RREB1: variants seen among roughly 807,000 people sequenced by gnomAD.
RREB1 encodes the protein ras responsive element binding protein 1.
Under a neutral mutation model 117.8 loss-of-function variants are expected in RREB1, and 27 were observed. That is an observed-to-expected ratio of 0.23 (90% CI 0.17 to 0.32). RREB1 has a LOEUF of 0.32. Ranked by LOEUF, RREB1 falls within the 10% of genes least tolerant of loss-of-function variation. The pLI, the probability that RREB1 is intolerant of heterozygous loss-of-function variation, is 1.00. For missense variants in RREB1, 2,577 were observed against 2,378.2 expected (o/e 1.08, Z -1.74); for synonymous variants, 1,298 against 1,026.7 (o/e 1.26, Z -5.05).
At chr6:7,179,709 A>G (rs1764691475) in intron 2 of RREB1, among the ~76,000 whole-genome samples, 1 of 152,204 alleles carries the variant, frequency 6.6e-6, no homozygotes, top group Non-Finnish European at 1.5e-5. Flanking sequence ...TCATGTATGC[A>G]CTTTGTGTCT....
At position 7,230,391 on chromosome 6, in the gene RREB1, C is replaced by G; in HGVS notation, c.2292C>G (p.His764Gln). The G allele has an allele frequency of 1.3e-6, 2 of 1,591,846 alleles. No homozygotes were observed. The highest frequency in any genetic ancestry group is 1.7e-6 in the Non-Finnish European group (2 of 1,174,062). The change falls in exon 10 of 13, where the codon CAC becomes CAG. Residue 764 changes from histidine to glutamine, a missense_variant. Transcript: ENST00000379938. Reference protein sequence around the residue: ...VCRLCGEDLKHYRALRIHMRT... With the variant: ...VCRLCGEDLKQYRALRIHMRT... ...GGCTGTGCGGCGAGGACCTCAAGCA[C>G]TATCGTGCCCTGCGCATCCACATGC...
At chr6:7,206,919 G>A (rs765931528) in intron 6 of RREB1, among the ~76,000 whole-genome samples, 2 of 152,214 alleles carry the variant, frequency 1.3e-5, no homozygotes, top group Non-Finnish European at 2.9e-5. Context: ...GAAGAGGGCA[G>A]GGTGCTCCAC....
At chr6:7,187,220 A>G (rs1765128732) in intron 4 of RREB1, among the ~76,000 whole-genome samples, 1 of 152,188 alleles carries the variant, frequency 6.6e-6, no homozygotes. Flanking sequence ...GCATCACAGC[A>G]TGGTATGGTA....
Position 7,249,799 on chromosome 6 carries a change from A to ATATTATTATTAT in RREB1, c.*846_*857dup, listed in dbSNP as rs60940908. The ATATTATTATTAT allele has an allele frequency of 3.1e-4, 46 of 150,354 alleles. 1 individual carries two copies. The highest frequency in any genetic ancestry group is 1.1e-3 in the African/African-American group (44 of 40,872). 9.3% of individuals were successfully genotyped at this position (150,354 alleles called of 1,614,324 possible). A position where few individuals can be genotyped will look rare whatever the true frequency, so the allele number is the denominator to read the frequency against. On this transcript the variant is annotated 3_prime_UTR_variant, in exon 13 of 13. Transcript: ENST00000379938. ...TTCCCTTTCAGTATATGTATTATTA[A>ATATTATTATTAT]TATTATTATTATTATTATTATTATT...
Position 7,175,253 on chromosome 6 carries a change from AC to A in RREB1, c.-284-1401del, listed in dbSNP as rs1311452239. On this transcript the variant is annotated intron_variant, in intron 1 of 12. Transcript: ENST00000379938. ...TTTACAAGAGGGCAGGTCATGTGTC[AC>A]GCAAAACAGGGATTCTTACCCTGCT... 1.1e-4 allele frequency among the ~76,000 whole-genome samples: 17 copies of A among 152,004 alleles called. No individual in the cohort carries two copies. In the East Asian group the frequency reaches 2.9e-3, roughly 26 times the overall value.
intron 8 of RREB1, chr6:7,219,013 C>CG (rs1415738371): frequency 7.1e-6 from 1 of 141,154 alleles, no homozygotes; most frequent in Non-Finnish European, 1.5e-5. Flanking sequence ...TTTGGGAGGC[C>CG]GAAGCAAGGG....
At chr6:7,201,066 ATTAGG>A (rs1371730849) in intron 6 of RREB1, among the ~76,000 whole-genome samples, 1 of 152,170 alleles carries the variant, frequency 6.6e-6, no homozygotes, top group Admixed American at 6.5e-5. Context: ...AGAGTGAGAA[ATTAGG>A]TTAGGGAAGG....
intron 1 of RREB1, among the ~76,000 whole-genome samples, chr6:7,117,290 T>C (rs75164923): frequency 1.6e-4 from 24 of 147,566 alleles, no homozygotes; most frequent in Non-Finnish European, 2.5e-4. Context: ...AATTTTCTCA[T>C]AAAAGAGGTA....
At chr6:7,134,270 CG>C (rs1338426747) in intron 1 of RREB1, among the ~76,000 whole-genome samples, 1 of 152,186 alleles carries the variant, frequency 6.6e-6, no homozygotes, top group African/African-American at 2.4e-5. Flanking sequence ...ACCCCAAACC[CG>C]TGAGGGTTAC....
chr6:7,232,888 G>T (rs1261743858), intron 10 of RREB1, among the ~76,000 whole-genome samples: 1 of 151,264 alleles, frequency 6.6e-6, no homozygotes, highest in African/African-American at 2.4e-5. Context: ...CCCACACCTG[G>T]CCCCAAAAGT....
intron 1 of RREB1, among the ~76,000 whole-genome samples, chr6:7,108,970 C>T (rs1376480428): frequency 9.2e-5 from 11 of 119,848 alleles, no homozygotes; most frequent in South Asian, 3.1e-4. Context: ...CTTCCGTTGG[C>T]GGGGTGAGTG....
chr6:7,247,492 GCCTCCCCAT>G (rs1769159366), intron 12 of RREB1, among the ~76,000 whole-genome samples: 1 of 152,136 alleles, frequency 6.6e-6, no homozygotes, highest in African/African-American at 2.4e-5. Flanking sequence ...TGCTGCCTCC[GCCTCCCCAT>G]CTGTAGAGTG....
At chr6:7,124,235 C>G (rs922730758) in intron 1 of RREB1, among the ~76,000 whole-genome samples, 6 of 152,000 alleles carry the variant, frequency 3.9e-5, no homozygotes, top group Non-Finnish European at 8.8e-5. Flanking sequence ...TCCATTCTGC[C>G]CTGGAGAGTA....
chr6:7,221,510 G>A (rs9378488), intron 8 of RREB1, among the ~76,000 whole-genome samples: 81,128 of 152,096 alleles, frequency 0.53, 22,783 homozygotes, highest in East Asian at 0.79. Context: ...CTTTTAACCA[G>A]CTGCACCACA....
chr6:7,220,591 A>G (rs1767191795), intron 8 of RREB1, among the ~76,000 whole-genome samples: 1 of 152,232 alleles, frequency 6.6e-6, no homozygotes, highest in Admixed American at 6.5e-5. Flanking sequence ...CCATTTGGAA[A>G]AGTTATCCTG....
intron 1 of RREB1, among the ~76,000 whole-genome samples, chr6:7,158,400 C>A (rs1302354351): frequency 6.6e-6 from 1 of 152,146 alleles, no homozygotes; most frequent in Non-Finnish European, 1.5e-5. Context: ...CTTTTCTCAG[C>A]CTACACCCCC....
In RREB1 at chr6:7,231,499, A is replaced by G; in HGVS notation, c.3400A>G (p.Ser1134Gly). The G allele has an allele frequency of 6.2e-7, 1 of 1,610,818 alleles. No homozygotes were observed. The change falls in exon 10 of 13, where the codon AGC (serine) becomes GGC (glycine). Residue 1134 changes from serine to glycine, a missense_variant. Ser to Gly is a moderately conservative substitution (Grantham distance 56). Transcript: ENST00000379938. Reference sequence around the variant, plus strand: ...GTCTAGTGAGCCTCCCGCTCCAGCCAGCAGCCCAGAGGCTGCCTCTCCCAC... The same window carrying G: ...GTCTAGTGAGCCTCCCGCTCCAGCCGGCAGCCCAGAGGCTGCCTCTCCCAC... ...KESSEPPAPA[S>G]SPEAASPTEQ...
intron 8 of RREB1, chr6:7,218,188 T>G (rs941036144): frequency 2.6e-5 from 4 of 152,272 alleles, no homozygotes; most frequent in Admixed American, 1.3e-4. Context: ...TTCAAAAATA[T>G]GCTTAGCATA....
At chr6:7,140,670 C>T (rs1762524633) in intron 1 of RREB1, 1 of 152,242 alleles carries the variant, frequency 6.6e-6, no homozygotes, top group South Asian at 2.1e-4. Flanking sequence ...TGGTCCTCGC[C>T]TTTTACTCCT....
Sources: gnomAD v4.1 joint callset for allele counts (sites outside exome capture counted in the v4.1 genomes callset) on GRCh38, gnomAD v4.1.1 for gene constraint, MANE v1.5 for transcripts, NCBI Gene and HGNC (gene_info 2026-07-23, HGNC 2026-07-21) for gene names.